SERGEF: variants seen among roughly 807,000 people sequenced by gnomAD.
The protein encoded by SERGEF is secretion-regulating guanine nucleotide exchange factor.
A neutral mutation model predicts 50.0 loss-of-function variants in SERGEF; 51 were observed. The ratio of observed to expected loss-of-function variants is 1.02; its 90% CI spans 0.81 to 1.29. The LOEUF (loss-of-function observed/expected upper bound fraction) is 1.29, where lower values mean the gene tolerates loss of function less well. SERGEF is among the 50% of genes most tolerant of loss of function. SERGEF has a pLI of 0.00. For synonymous variants in SERGEF, 205 were observed against 212.4 expected, an observed-to-expected ratio of 0.97 and a Z score of 0.30; for missense variants, 521 against 557.0, an observed-to-expected ratio of 0.94 and a Z score of 0.65.
chr11:17,926,131 C>G (rs1328466659), intron 9 of SERGEF, among the ~76,000 whole-genome samples: 2 of 152,140 alleles, frequency 1.3e-5, no homozygotes, highest in African/African-American at 4.8e-5. Context: ...GTTTCAAATG[C>G]AGACAGGTCT....
At chr11:17,819,281 G>A (rs1326998319) in intron 10 of SERGEF, among the ~76,000 whole-genome samples, 1 of 152,200 alleles carries the variant, frequency 6.6e-6, no homozygotes, top group Non-Finnish European at 1.5e-5. Context: ...TGAAAACAAT[G>A]GTGCATGTAG....
At chr11:17,874,943 T>C (rs1200912223) in intron 10 of SERGEF, among the ~76,000 whole-genome samples, 1 of 152,192 alleles carries the variant, frequency 6.6e-6, no homozygotes, top group Non-Finnish European at 1.5e-5. Context: ...ATAATAATAA[T>C]AGCAGCTAAC....
At chr11:17,878,375 C>T (rs745410666) in intron 9 of SERGEF, 131 bp from the exon 10 acceptor site, 1 of 641,958 alleles carries the variant, frequency 1.6e-6, no homozygotes, top group Non-Finnish European at 2.7e-6. Flanking sequence ...AAAGAAGCAT[C>T]ACATACAAAA....
chr11:17,914,547 T>C (rs2133933301), intron 9 of SERGEF, among the ~76,000 whole-genome samples: 1 of 152,280 alleles, frequency 6.6e-6, no homozygotes, highest in East Asian at 1.9e-4. Flanking sequence ...GCCTTCTGAG[T>C]AGCTGAGACT....
chr11:17,958,414 C>CT (rs1361785795), intron 9 of SERGEF, among the ~76,000 whole-genome samples: 11 of 151,250 alleles, frequency 7.3e-5, no homozygotes, highest in Middle Eastern at 3.4e-3. Context: ...CTAGCCTTTT[C>CT]TTTTTTTTTA....
intron 10 of SERGEF, among the ~76,000 whole-genome samples, chr11:17,795,122 G>A (rs997235767): frequency 3.3e-5 from 5 of 152,206 alleles, no homozygotes; most frequent in African/African-American, 1.2e-4. Context: ...CCAGGCTGAC[G>A]GAGAGGAGGG....
At chr11:17,976,854 G>A (rs962859631) in intron 8 of SERGEF, among the ~76,000 whole-genome samples, 4 of 152,216 alleles carry the variant, frequency 2.6e-5, no homozygotes, top group African/African-American at 9.6e-5. Flanking sequence ...CAGCATGGCT[G>A]GTCACCCCAC....
At chr11:17,811,514 G>A (rs912651210) in intron 10 of SERGEF, among the ~76,000 whole-genome samples, 8 of 152,214 alleles carry the variant, frequency 5.3e-5, no homozygotes, top group South Asian at 2.1e-4. Flanking sequence ...TCAAAAACCC[G>A]TCGTTTCCCA....
intron 9 of SERGEF, among the ~76,000 whole-genome samples, chr11:17,902,632 A>C (rs1851768234): frequency 6.6e-6 from 1 of 152,240 alleles, no homozygotes. Flanking sequence ...AAAGAACATA[A>C]GTTTACTTTT....
intron 10 of SERGEF, among the ~76,000 whole-genome samples, chr11:17,867,084 A>T (rs1851042586): frequency 6.6e-6 from 1 of 152,230 alleles, no homozygotes; most frequent in African/African-American, 2.4e-5. Context: ...CCTAAATCTC[A>T]TGTCCTCACA....
chr11:17,949,547 A>C (rs1829251512), intron 9 of SERGEF, among the ~76,000 whole-genome samples: 1 of 152,130 alleles, frequency 6.6e-6, no homozygotes, highest in Non-Finnish European at 1.5e-5. Context: ...GGCAAAACCC[A>C]TACCCTGCTC....
chr11:17,952,337 C>T (rs915859347), intron 9 of SERGEF, among the ~76,000 whole-genome samples: 1 of 152,178 alleles, frequency 6.6e-6, no homozygotes, highest in East Asian at 1.9e-4. Context: ...AAGAGGTACA[C>T]AGTTCAATGA....
At chr11:17,907,864 T>A (rs1448422552) in intron 9 of SERGEF, among the ~76,000 whole-genome samples, 2 of 152,184 alleles carry the variant, frequency 1.3e-5, no homozygotes. Context: ...AAAAAGGAAC[T>A]GCTTGTAGGA....
In SERGEF at chr11:18,000,635, T is replaced by C; in HGVS notation, c.448-78A>G. ...TTTATGTAATTTATACCAAATACAA[T>C]GCAGTACGGTCCTCATTATGGGTCT... On this transcript the variant is annotated intron_variant, in intron 4 of 10. Transcript: ENST00000265965. The C allele has an allele frequency of 5.9e-6, 6 of 1,023,016 alleles. No homozygotes were observed. In the South Asian group the frequency reaches 6.9e-5, roughly 12 times the overall value. The allele number at this position is 1,023,016 out of a possible 1,614,324, so 63.4% of individuals were successfully genotyped here.
intron 9 of SERGEF, among the ~76,000 whole-genome samples, chr11:17,934,597 G>A (rs1246884854): frequency 1.3e-5 from 2 of 152,162 alleles, no homozygotes; most frequent in East Asian, 3.9e-4. Flanking sequence ...AGAACTTAAT[G>A]TAAAAACTTT....
intron 10 of SERGEF, among the ~76,000 whole-genome samples, chr11:17,801,687 G>A (rs2133826327): frequency 6.6e-6 from 1 of 152,274 alleles, no homozygotes; most frequent in East Asian, 1.9e-4. Context: ...AGACATGAAT[G>A]AATGAATGTA....
intron 10 of SERGEF, among the ~76,000 whole-genome samples, chr11:17,872,699 G>T (rs1036258501): frequency 6.6e-6 from 1 of 152,154 alleles, no homozygotes; most frequent in African/African-American, 2.4e-5. Context: ...TCACTATAGC[G>T]TTGCTTATAA....
chr11:17,915,893 C>CT (rs1394169982), intron 9 of SERGEF, among the ~76,000 whole-genome samples: 1 of 152,212 alleles, frequency 6.6e-6, no homozygotes, highest in Non-Finnish European at 1.5e-5. Flanking sequence ...AAGCCAGTGG[C>CT]TGGAAAACCA....
chr11:17,855,280 A>T (rs1850797437), intron 10 of SERGEF: 1 of 152,172 alleles, frequency 6.6e-6, no homozygotes, highest in Admixed American at 6.5e-5. Context: ...GGGCGAGTAA[A>T]TTACTTAAGG....
Sources: gnomAD v4.1 joint callset for allele counts (sites outside exome capture counted in the v4.1 genomes callset) on GRCh38, gnomAD v4.1.1 for gene constraint, MANE v1.5 for transcripts, NCBI Gene and HGNC (gene_info 2026-07-23, HGNC 2026-07-21) for gene names.